Variants in BTBD9 observed in about 807,000 individuals in gnomAD.
BTBD9 encodes BTB/POZ domain-containing protein 9.
In BTBD9, 49 loss-of-function variants were observed where a neutral mutation model predicts 64.3. The ratio of observed to expected loss-of-function variants is 0.76; its 90% CI spans 0.61 to 0.97. BTBD9 has a LOEUF of 0.97. Ranked by LOEUF, BTBD9 falls within the 50% of genes least tolerant of loss-of-function variation. The pLI, the probability that BTBD9 is intolerant of heterozygous loss-of-function variation, is 0.00. For synonymous variants in BTBD9, 260 were observed against 274.7 expected, an observed-to-expected ratio of 0.95 and a Z score of 0.53; for missense variants, 598 against 762.1, an observed-to-expected ratio of 0.78 and a Z score of 2.53.
chr6:38,550,322 C>CTTTT (rs70981562), intron 6 of BTBD9, among the ~76,000 whole-genome samples: 1 of 144,054 alleles, frequency 6.9e-6, no homozygotes, highest in Non-Finnish European at 1.5e-5. Flanking sequence ...TTTCTTTTTT[C>CTTTT]TTTTTTTTTT....
At chr6:38,508,854 C>T (rs1161799155) in intron 6 of BTBD9, among the ~76,000 whole-genome samples, 11 of 152,146 alleles carry the variant, frequency 7.2e-5, no homozygotes, top group Non-Finnish European at 1.6e-4. Flanking sequence ...TATTCATACC[C>T]TCCCCACCCC....
intron 6 of BTBD9, among the ~76,000 whole-genome samples, chr6:38,501,097 T>C (rs1025697409): frequency 1.3e-5 from 2 of 152,222 alleles, no homozygotes; most frequent in Non-Finnish European, 1.5e-5. Context: ...ACTTTCTCAA[T>C]GGATGCTGTA....
chr6:38,403,763 C>A (rs1466156818), intron 6 of BTBD9, among the ~76,000 whole-genome samples: 1 of 152,166 alleles, frequency 6.6e-6, no homozygotes, highest in Non-Finnish European at 1.5e-5. Flanking sequence ...TATGTCCATA[C>A]AAGAACATGT....
intron 6 of BTBD9, among the ~76,000 whole-genome samples, chr6:38,543,920 G>A (rs915918122): frequency 6.7e-6 from 1 of 149,522 alleles, no homozygotes; most frequent in Non-Finnish European, 1.5e-5. Flanking sequence ...TCGCGCCACT[G>A]CACTCCAACC....
At chr6:38,462,829 C>G (rs1056594142) in intron 6 of BTBD9, among the ~76,000 whole-genome samples, 2 of 152,142 alleles carry the variant, frequency 1.3e-5, no homozygotes, top group Admixed American at 1.3e-4. Context: ...GACAGGGTCT[C>G]ACTCTGTCGC....
At chr6:38,246,348 G>A (rs994383924) in intron 9 of BTBD9, among the ~76,000 whole-genome samples, 1 of 152,108 alleles carries the variant, frequency 6.6e-6, no homozygotes, top group South Asian at 2.1e-4. Flanking sequence ...GTGAGTAACT[G>A]GTGTCTCCAA....
chr6:38,593,990 T>G lies in BTBD9; in HGVS notation c.523A>C (p.Ser175Arg). Residue 175 changes from serine (S) to arginine (R), a missense_variant, in exon 3 of 11, where the codon AGT becomes CGT. Physicochemically the swap from Ser to Arg is moderately radical, Grantham distance 110 (BLOSUM62 -1). Coordinates refer to ENST00000481247, the MANE Select transcript of BTBD9 (RefSeq NM_001099272.2). ...TTAGAAAGGGAGAGGAAACCTTCAC[T>G]TGAGAGGACTTCCTGAGCATTCCTA... is the stretch of plus-strand genomic sequence containing the variant. Reference protein sequence around the residue: ...MDRNAQEVLSSEGFLSLSKTA... With the variant: ...MDRNAQEVLSREGFLSLSKTA... 6.2e-7 allele frequency: 1 copy of G among 1,613,690 alleles called. No homozygotes were observed. The highest frequency in any genetic ancestry group is 8.5e-7 in the Non-Finnish European group (1 of 1,179,802).
rs577815257 is a variant in BTBD9 at position 38,575,098 on chromosome 6, T to C, written c.1154+2502A>G. 3.3e-5 allele frequency among the ~76,000 whole-genome samples: 5 copies of C among 152,312 alleles called. No individual in the cohort carries two copies. The East Asian group carries it at 9.6e-4, about 29-fold the overall frequency. On this transcript the variant is annotated intron_variant, in intron 6 of 10. Coordinates refer to ENST00000481247, the MANE Select transcript of BTBD9 (RefSeq NM_001099272.2). ...TCAGTTTCCTGAAGAAAAAACAAAG[T>C]AACCTTTGCAAACAGTTCAGAACCA...
At chr6:38,454,536 G>A (rs1582456378) in intron 6 of BTBD9, among the ~76,000 whole-genome samples, 1 of 150,838 alleles carries the variant, frequency 6.6e-6, no homozygotes, top group East Asian at 1.9e-4. Context: ...GGTGGCTCAT[G>A]CTTGTAATCC....
chr6:38,193,305 G>A (rs1275777117), intron 9 of BTBD9, among the ~76,000 whole-genome samples: 1 of 152,146 alleles, frequency 6.6e-6, no homozygotes, highest in Non-Finnish European at 1.5e-5. Context: ...ACTTGGGCTG[G>A]GGCAGTGGGG....
intron 6 of BTBD9, among the ~76,000 whole-genome samples, chr6:38,444,384 G>A (rs1049979860): frequency 1.2e-4 from 18 of 152,126 alleles, no homozygotes; most frequent in Admixed American, 7.9e-4. Flanking sequence ...GAAATTTCCT[G>A]GTTACTTAGT....
At chr6:38,532,938 A>G (rs1188968635) in intron 6 of BTBD9, among the ~76,000 whole-genome samples, 1 of 151,912 alleles carries the variant, frequency 6.6e-6, no homozygotes, top group African/African-American at 2.4e-5. Context: ...AGGCGAGTAG[A>G]GCACAAAGTG....
At position 38,371,100 on chromosome 6, in the gene BTBD9, GCTGA is replaced by G. The variant is rs1179970187; in HGVS notation, c.1155-26011_1155-26008del. Among the ~76,000 whole-genome samples the G allele has an allele frequency of 1.8e-4, 28 of 152,178 alleles. No individual in the cohort carries two copies. In the South Asian group the frequency reaches 2.3e-3, roughly 12 times the overall value. ...ATCCAGGACTTATCACATTGCTCTT[GCTGA>G]CTGACTGAGTGGTCAGCAAAAAAAC... On this transcript the variant is annotated intron_variant, in intron 6 of 10. Coordinates refer to ENST00000481247, the MANE Select transcript of BTBD9 (RefSeq NM_001099272.2).
intron 9 of BTBD9, among the ~76,000 whole-genome samples, chr6:38,201,766 C>G (rs577968098): frequency 6.6e-6 from 1 of 152,260 alleles, no homozygotes; most frequent in African/African-American, 2.4e-5. Context: ...AACCATCATA[C>G]AAAATTCAGT....
intron 1 of BTBD9, among the ~76,000 whole-genome samples, chr6:38,623,108 A>T (rs1220809735): frequency 6.6e-6 from 1 of 152,156 alleles, no homozygotes; most frequent in Non-Finnish European, 1.5e-5. Flanking sequence ...TGAAAACAAC[A>T]AACTCACACA....
intron 6 of BTBD9, among the ~76,000 whole-genome samples, chr6:38,347,172 A>T (rs913281491): frequency 6.6e-6 from 1 of 152,196 alleles, no homozygotes; most frequent in Non-Finnish European, 1.5e-5. Flanking sequence ...AATGCGAGAA[A>T]ATGTGCAACC....
intron 9 of BTBD9, among the ~76,000 whole-genome samples, chr6:38,201,116 CA>C: frequency 6.6e-6 from 1 of 152,116 alleles, no homozygotes; most frequent in East Asian, 1.9e-4. Flanking sequence ...ACCCTGACAC[CA>C]AAACCTGACA....
intron 6 of BTBD9, among the ~76,000 whole-genome samples, chr6:38,576,506 T>C (rs1437151983): frequency 6.6e-6 from 1 of 152,202 alleles, no homozygotes; most frequent in Non-Finnish European, 1.5e-5. Flanking sequence ...TTTTGTGAAG[T>C]TCCTTAGTGG....
intron 8 of BTBD9, among the ~76,000 whole-genome samples, chr6:38,259,875 T>A (rs1447986907): frequency 6.6e-6 from 1 of 152,192 alleles, no homozygotes; most frequent in African/African-American, 2.4e-5. Context: ...CCAAGTACCC[T>A]GAATGAATCA....
Sources: gnomAD v4.1 joint callset for allele counts (sites outside exome capture counted in the v4.1 genomes callset) on GRCh38, gnomAD v4.1.1 for gene constraint, MANE v1.5 for transcripts, NCBI Gene and HGNC (gene_info 2026-07-23, HGNC 2026-07-21) for gene names.